FOXP1: variants seen among roughly 807,000 people sequenced by gnomAD.
FOXP1 encodes forkhead box P1.
Under a neutral mutation model 98.2 loss-of-function variants are expected in FOXP1, and 15 were observed. The observed-to-expected ratio is 0.15, with a 90% CI of 0.10 to 0.24. The LOEUF (loss-of-function observed/expected upper bound fraction) is 0.24, where lower values mean the gene tolerates loss of function less well. Ranked by LOEUF, FOXP1 falls within the 10% of genes least tolerant of loss-of-function variation. The pLI is 1.00. For missense variants in FOXP1, 633 were observed against 848.5 expected (o/e 0.75, Z 3.15); for synonymous variants, 371 against 314.5 (o/e 1.18, Z -1.90).
intron 5 of FOXP1, among the ~76,000 whole-genome samples, chr3:71,238,395 A>G (rs1272917245): frequency 6.6e-6 from 1 of 152,192 alleles, no homozygotes; most frequent in African/African-American, 2.4e-5. Context: ...CGTTCAATAA[A>G]TGAATGTACA....
chr3:71,223,319 C>T (rs2065550226), intron 5 of FOXP1, among the ~76,000 whole-genome samples: 1 of 8,344 alleles, frequency 1.2e-4, no homozygotes, highest in Non-Finnish European at 1.9e-4. Context: ...TTCTCCTCCT[C>T]TTGGAGGCAC....
intron 2 of FOXP1, among the ~76,000 whole-genome samples, chr3:71,529,985 C>G (rs1271336779): frequency 6.6e-6 from 1 of 152,116 alleles, no homozygotes; most frequent in Non-Finnish European, 1.5e-5. Context: ...GACAACATGG[C>G]ACCTGTGTCC....
intron 10 of FOXP1, among the ~76,000 whole-genome samples, chr3:71,046,515 A>G (rs1419792059): frequency 6.6e-6 from 1 of 152,240 alleles, no homozygotes; most frequent in Non-Finnish European, 1.5e-5. Flanking sequence ...CCTAGATATT[A>G]AAACATGGCA....
intron 5 of FOXP1, chr3:71,292,684 C>T (rs1359175313): frequency 6.6e-6 from 1 of 152,196 alleles, no homozygotes; most frequent in African/African-American, 2.4e-5. Context: ...ATTAACAAAA[C>T]ATCTAATTAC....
intron 14 of FOXP1, among the ~76,000 whole-genome samples, chr3:70,978,411 A>G (rs1387270835): frequency 6.6e-6 from 1 of 152,184 alleles, no homozygotes; most frequent in Admixed American, 6.5e-5. Flanking sequence ...TAGCAATACC[A>G]GTGAAGCTGA....
chr3:71,414,333 C>T (rs984852256), intron 3 of FOXP1, among the ~76,000 whole-genome samples: 4 of 152,182 alleles, frequency 2.6e-5, no homozygotes, highest in South Asian at 4.1e-4. Context: ...ACACCCAGCT[C>T]GGGGCCCTGC....
intron 3 of FOXP1, among the ~76,000 whole-genome samples, chr3:71,385,818 A>C (rs922299888): frequency 4.6e-5 from 7 of 151,564 alleles, no homozygotes; most frequent in African/African-American, 1.7e-4. Flanking sequence ...TTTTCCCCGC[A>C]CCTCTCTAAA....
At chr3:71,128,592 T>C (rs2059377700) in intron 6 of FOXP1, among the ~76,000 whole-genome samples, 1 of 152,192 alleles carries the variant, frequency 6.6e-6, no homozygotes, top group Admixed American at 6.5e-5. Context: ...TTTCCTTTAG[T>C]TGAGCTATTC....
At chr3:71,418,957 G>A (rs529657648) in intron 3 of FOXP1, among the ~76,000 whole-genome samples, 1 of 147,712 alleles carries the variant, frequency 6.8e-6, no homozygotes, top group Admixed American at 6.7e-5. Flanking sequence ...AAAAAAGCCG[G>A]GTGCAGTGGC....
intron 6 of FOXP1, among the ~76,000 whole-genome samples, chr3:71,139,378 T>C (rs1158396993): frequency 6.6e-6 from 1 of 152,046 alleles, no homozygotes; most frequent in East Asian, 1.9e-4. Context: ...CAGCTTTAGG[T>C]ATAGAAATGA....
intron 3 of FOXP1, among the ~76,000 whole-genome samples, chr3:71,452,033 T>C (rs1167371547): frequency 6.6e-6 from 1 of 152,190 alleles, no homozygotes; most frequent in Non-Finnish European, 1.5e-5. Context: ...CCTGTGCAGG[T>C]GGCCCCACAC....
intron 6 of FOXP1, among the ~76,000 whole-genome samples, chr3:71,135,674 C>A (rs943181721): frequency 6.6e-6 from 1 of 152,150 alleles, no homozygotes; most frequent in Admixed American, 6.5e-5. Context: ...ACCCAGAAAA[C>A]TGTGAAAAGT....
intron 5 of FOXP1, among the ~76,000 whole-genome samples, chr3:71,237,760 C>G (rs540859388): frequency 6.6e-6 from 1 of 152,116 alleles, no homozygotes; most frequent in Non-Finnish European, 1.5e-5. Flanking sequence ...CACATATGGA[C>G]CCACATATCT....
intron 5 of FOXP1, among the ~76,000 whole-genome samples, chr3:71,199,611 G>A (rs1576347399): frequency 6.6e-6 from 1 of 151,844 alleles, no homozygotes; most frequent in Non-Finnish European, 1.5e-5. Flanking sequence ...ATGGTGACAG[G>A]TGCCTCTAAT....
At chr3:71,305,636 GCTCT>G in intron 4 of FOXP1, 2 of 152,044 alleles carry the variant, frequency 1.3e-5, no homozygotes, top group South Asian at 2.1e-4. Context: ...TAATAAAGCT[GCTCT>G]CTCTCTCTCT....
intron 19 of FOXP1, chr3:70,970,116 G>C (rs2035886579): frequency 6.5e-6 from 1 of 152,830 alleles, no homozygotes; most frequent in Non-Finnish European, 1.5e-5. Context: ...CATTGGTGAT[G>C]TAACAAGTAC....
chr3:71,093,604 C>A (rs182919677), intron 7 of FOXP1, among the ~76,000 whole-genome samples: 15 of 150,830 alleles, frequency 9.9e-5, no homozygotes, highest in Admixed American at 3.3e-4. Context: ...GATATAAGGA[C>A]TAAGAAATAT....
At chr3:71,105,633 CAAT>C (rs1341231704) in intron 7 of FOXP1, among the ~76,000 whole-genome samples, 4 of 152,150 alleles carry the variant, frequency 2.6e-5, no homozygotes, top group Non-Finnish European at 4.4e-5. Flanking sequence ...CTAGCCCCAA[CAAT>C]GATTATAATA....
At chr3:71,179,960 A>C (rs2108274354) in intron 6 of FOXP1, among the ~76,000 whole-genome samples, 1 of 152,348 alleles carries the variant, frequency 6.6e-6, no homozygotes, top group South Asian at 2.1e-4. Context: ...GCCAGTGCTG[A>C]GGATTTCACT....
Sources: gnomAD v4.1 joint callset for allele counts (sites outside exome capture counted in the v4.1 genomes callset) on GRCh38, gnomAD v4.1.1 for gene constraint, MANE v1.5 for transcripts, NCBI Gene and HGNC (gene_info 2026-07-23, HGNC 2026-07-21) for gene names.